The following DPYD variants were observed in gnomAD, a reference collection of about 807,000 sequenced individuals.
The protein encoded by DPYD is dihydropyrimidine dehydrogenase [NADP(+)].
Under a neutral mutation model 116.2 loss-of-function variants are expected in DPYD, and 109 were observed. The observed-to-expected ratio is 0.94, with a 90% CI of 0.80 to 1.10. The LOEUF (loss-of-function observed/expected upper bound fraction) is 1.10. Among genes scored for constraint, DPYD ranks in the 50% least tolerant of loss-of-function variants. The probability of loss-of-function intolerance (pLI) is 0.00; values close to 1 mark genes in which losing one functional copy is unlikely to be tolerated. For missense variants in DPYD, 1,302 were observed against 1,254.5 expected (o/e 1.04, Z -0.57); for synonymous variants, 440 against 432.0 (o/e 1.02, Z -0.23).
intron 19 of DPYD, among the ~76,000 whole-genome samples, chr1:97,202,550 T>C (rs1017024580): frequency 1.3e-5 from 2 of 152,174 alleles, no homozygotes. Context: ...AATATAATCA[T>C]CAATTCTCCA....
At chr1:97,242,120 G>GTGTGTA (rs1357267040) in intron 18 of DPYD, among the ~76,000 whole-genome samples, 1 of 27,034 alleles carries the variant, frequency 3.7e-5, no homozygotes, top group Non-Finnish European at 6.0e-5. Flanking sequence ...GTGTGTGTGC[G>GTGTGTA]TGTGTATATA....
At chr1:97,612,595 T>A (rs1296776662) in intron 8 of DPYD, among the ~76,000 whole-genome samples, 1 of 152,018 alleles carries the variant, frequency 6.6e-6, no homozygotes, top group Non-Finnish European at 1.5e-5. Context: ...GAAAATCTCA[T>A]GGATGCAACA....
At chr1:97,426,624 T>C (rs1274272313) in intron 14 of DPYD, among the ~76,000 whole-genome samples, 1 of 151,918 alleles carries the variant, frequency 6.6e-6, no homozygotes, top group Non-Finnish European at 1.5e-5. Flanking sequence ...GGCTCTATAG[T>C]GGGGTGGGAT....
intron 14 of DPYD, among the ~76,000 whole-genome samples, chr1:97,439,066 G>T (rs1675615218): frequency 6.6e-6 from 1 of 151,874 alleles, no homozygotes; most frequent in African/African-American, 2.4e-5. Context: ...AATTTGCTGA[G>T]ATTTTTCCCA....
chr1:97,532,009 T>TTG (rs560960973), intron 12 of DPYD, among the ~76,000 whole-genome samples: 29 of 151,988 alleles, frequency 1.9e-4, no homozygotes, highest in South Asian at 6.2e-4. Flanking sequence ...TCTCCAGTTT[T>TTG]TGTGTGTGTG....
intron 21 of DPYD, among the ~76,000 whole-genome samples, chr1:97,093,212 T>C (rs1196244357): frequency 3.3e-5 from 5 of 152,178 alleles, no homozygotes; most frequent in African/African-American, 1.2e-4. Context: ...CTATATTCTG[T>C]ATGCTTTATG....
intron 8 of DPYD, among the ~76,000 whole-genome samples, chr1:97,634,640 G>A (rs1273349591): frequency 3.9e-5 from 6 of 152,000 alleles, no homozygotes. Context: ...TAAGTAGGTG[G>A]AAGATACAAA....
chr1:97,642,647 C>T (rs908790357), intron 8 of DPYD, among the ~76,000 whole-genome samples: 20 of 145,888 alleles, frequency 1.4e-4, no homozygotes, highest in African/African-American at 2.8e-4. Context: ...AACCAAACAC[C>T]GCATGTTCTC....
At chr1:97,814,205 G>C (rs1668469505) in intron 3 of DPYD, among the ~76,000 whole-genome samples, 1 of 152,168 alleles carries the variant, frequency 6.6e-6, no homozygotes, top group Non-Finnish European at 1.5e-5. Flanking sequence ...TCCAAGCCTG[G>C]AAAGTTTTAG....
chr1:97,436,607 GC>G lies in DPYD; in HGVS notation c.1905+13451del, dbSNP rs1675487530. 3.3e-5 allele frequency among the ~76,000 whole-genome samples: 5 copies of G among 152,106 alleles called. No homozygotes were observed. In the South Asian group the frequency reaches 1.0e-3, roughly 32 times the overall value. Reference sequence around the variant, plus strand: ...GAAAGAGTATGTTGTAGCCAGTAATGCTTGTAAAATGACTCTTTTAAAAGGT... The same window carrying G: ...GAAAGAGTATGTTGTAGCCAGTAATGTTGTAAAATGACTCTTTTAAAAGGT... On this transcript the variant is annotated intron_variant, in intron 14 of 22. Coordinates refer to ENST00000370192, the MANE Select transcript of DPYD (RefSeq NM_000110.4).
intron 13 of DPYD, among the ~76,000 whole-genome samples, chr1:97,455,271 T>C (rs2101807027): frequency 6.6e-6 from 1 of 152,034 alleles, no homozygotes; most frequent in East Asian, 1.9e-4. Flanking sequence ...TGCAGTAGTA[T>C]AGTGTATATC....
chr1:97,753,041 ATTATAT>A, intron 3 of DPYD, among the ~76,000 whole-genome samples: 1 of 152,308 alleles, frequency 6.6e-6, no homozygotes, highest in South Asian at 2.1e-4. Context: ...TAATTTAAAC[ATTATAT>A]TTAATTTATT....
intron 13 of DPYD, among the ~76,000 whole-genome samples, chr1:97,462,967 C>T (rs765341285): frequency 6.6e-6 from 1 of 152,216 alleles, no homozygotes; most frequent in Non-Finnish European, 1.5e-5. Context: ...AACCCAGAAA[C>T]TCCCTTCTAT....
chr1:97,579,169 C>T lies in DPYD; in HGVS notation c.1129-5199G>A, dbSNP rs938039011. ...GAATATATGCCAGTCAATAAGCCAA[C>T]GAAGAGGCATCAAGTGAATGTCACA... is the stretch of plus-strand genomic sequence containing the variant. On this transcript the variant is annotated intron_variant, in intron 10 of 22. Coordinates refer to ENST00000370192, the MANE Select transcript of DPYD (RefSeq NM_000110.4). Among the ~76,000 whole-genome samples the T allele has an allele frequency of 1.1e-4, 17 of 152,080 alleles. No individual in the cohort carries two copies. The East Asian group carries it at 1.9e-3, about 17-fold the overall frequency.
chr1:97,352,120 T>A (rs1055934194), intron 16 of DPYD, among the ~76,000 whole-genome samples: 1 of 152,074 alleles, frequency 6.6e-6, no homozygotes, highest in African/African-American at 2.4e-5. Context: ...CAGAAAAAAG[T>A]CCTTCTCAAA....
At chr1:97,459,920 A>G (rs936817084) in intron 13 of DPYD, among the ~76,000 whole-genome samples, 1 of 152,216 alleles carries the variant, frequency 6.6e-6, no homozygotes, top group Non-Finnish European at 1.5e-5. Flanking sequence ...TGAAAAACAT[A>G]CGCAAAAGCA....
rs755049806 is a variant in DPYD at position 97,082,481 on chromosome 1, C to T, written c.2767-11G>A. ...TTTTCCTATTACATCCTAAAAATAG[C>T]CACTGAATTACTTAGCAAGCTCATT... On this transcript the variant is annotated splice_polypyrimidine_tract_variant and intron_variant, in intron 21 of 22. Transcript: ENST00000370192. 1 of 1,612,982 alleles carries T rather than the reference C, an allele frequency of 6.2e-7. No individual in the cohort carries two copies. Among genetic ancestry groups the T allele is most frequent in the Non-Finnish European group, 8.5e-7 (1 of 1,179,400 alleles).
chr1:97,545,227 C>G (rs1650744277), intron 12 of DPYD, among the ~76,000 whole-genome samples: 1 of 152,080 alleles, frequency 6.6e-6, no homozygotes, highest in Non-Finnish European at 1.5e-5. Flanking sequence ...AATCTTTTAA[C>G]TGTACTTTCT....
intron 6 of DPYD, among the ~76,000 whole-genome samples, chr1:97,696,155 A>G: frequency 8.0e-6 from 1 of 124,460 alleles, no homozygotes; most frequent in South Asian, 2.5e-4. Context: ...AAAAGAAAAG[A>G]AAAAAAGAAA....
Sources: gnomAD v4.1 joint callset for allele counts (sites outside exome capture counted in the v4.1 genomes callset) on GRCh38, gnomAD v4.1.1 for gene constraint, MANE v1.5 for transcripts, NCBI Gene and HGNC (gene_info 2026-07-23, HGNC 2026-07-21) for gene names.